The following HELZ2 variants were observed in gnomAD, a reference collection of about 807,000 sequenced individuals.
The protein encoded by HELZ2 is helicase with zinc finger 2, also known as 3'-5' exoribonuclease HELZ2.
A neutral mutation model predicts 208.8 loss-of-function variants in HELZ2; 143 were observed. The observed-to-expected ratio is 0.68, with a 90% CI of 0.60 to 0.79. HELZ2 has a LOEUF of 0.79. Ranked by LOEUF, HELZ2 falls within the 30% of genes least tolerant of loss-of-function variation. HELZ2 has a pLI of 0.00. For synonymous variants in HELZ2, 1,705 were observed against 1,693.7 expected, an observed-to-expected ratio of 1.01 and a Z score of -0.16; for missense variants, 3,690 against 3,794.5, an observed-to-expected ratio of 0.97 and a Z score of 0.72.
chr20:63,566,152 C>A, exon 8 of HELZ2: 1 of 1,559,388 alleles, frequency 6.4e-7, no homozygotes, highest in South Asian at 1.2e-5. Flanking sequence ...CGGTGAAGAA[C>A]TCAGGGGCCA....
chr20:63,570,381 G>A (rs765810679), intron 3 of HELZ2, 123 bp downstream of exon 4: 15 of 792,274 alleles, frequency 1.9e-5, no homozygotes, highest in Admixed American at 1.2e-4. Flanking sequence ...TGCAGGTCAC[G>A]CAGGTGCTGA....
rs780967372 is a variant in HELZ2 at position 63,561,168 on chromosome 20, C to G, written c.7060G>C (p.Val2354Leu). The stretch of plus-strand genomic sequence containing the variant: ...GCCTCGTCAACAAGGATCTGCCTCA[C>G]GTCCAGGATTTTGAGGCTGGCAGAG... The change falls in exon 14 of 19, where the codon GTG (valine) becomes CTG (leucine). Residue 2354 changes from valine (V) to leucine (L), a missense_variant. By Grantham distance (32) the Val-to-Leu change is conservative. Transcript: ENST00000467148. 8.1e-6 allele frequency: 13 copies of G among 1,613,140 alleles called. No homozygotes were observed. The South Asian group carries it at 1.4e-4, about 18-fold the overall frequency.
chr20:63,567,385 A>G, exon 6 of HELZ2: 1 of 1,592,478 alleles, frequency 6.3e-7, no homozygotes, highest in Non-Finnish European at 8.5e-7. Flanking sequence ...GAAGAAGCCG[A>G]CCGGCACCCT....
exon 14 of HELZ2, chr20:63,561,152 A>G (rs368416370): frequency 9.3e-6 from 15 of 1,612,942 alleles, no homozygotes; most frequent in Non-Finnish European, 1.3e-5. Flanking sequence ...TGCCTCGTCA[A>G]CAAGGATCTG....
rs1482246916 is a variant in HELZ2, at chr20:63,570,938, C to T, written c.279-70G>A. 3.8e-6 allele frequency: 5 copies of T among 1,304,820 alleles called. No homozygotes were observed. In the African/African-American group the frequency reaches 4.4e-5, roughly 12 times the overall value. The allele number at this position is 1,304,820 out of a possible 1,614,324, so 80.8% of individuals were successfully genotyped here. A position where few individuals can be genotyped will look rare whatever the true frequency, so the allele number is the denominator to read the frequency against. On this transcript the variant is annotated intron_variant, in intron 1 of 18. Coordinates refer to ENST00000467148, the Ensembl canonical transcript of HELZ2. Reference sequence around the variant, plus strand: ...CCGTGCTGAGTTCAAAGGCCGGGACCCCTCAGCCCAATACTGGCCTCTGTA... The same window carrying T: ...CCGTGCTGAGTTCAAAGGCCGGGACTCCTCAGCCCAATACTGGCCTCTGTA...
exon 8 of HELZ2, chr20:63,563,169 C>A (rs764623805): frequency 6.3e-7 from 1 of 1,592,744 alleles, no homozygotes; most frequent in East Asian, 2.3e-5. Flanking sequence ...CCGAGCTGCA[C>A]CTGCAGGGTG....
At position 63,559,958 on chromosome 20, in the gene HELZ2, TG is replaced by T; in HGVS notation, c.7794del (p.Thr2599ArgfsTer9). 1 of 1,611,596 alleles carries T rather than the reference TG, an allele frequency of 6.2e-7. No individual in the cohort carries two copies. Among genetic ancestry groups the T allele is most frequent in the Non-Finnish European group, 8.5e-7 (1 of 1,179,910 alleles). ...AGGCAGAGCCCCTCCTGGGCCCGCG[TG>T]ACAGCCACATTCACTTGGTTGGGGT... is the stretch of plus-strand genomic sequence containing the variant. On this transcript the variant is annotated frameshift_variant, in exon 18 of 19. Transcript: ENST00000467148. LOFTEE classifies it low-confidence loss of function (END_TRUNC).
At chr20:63,573,892 G>A (rs965947081), upstream of HELZ2, among the ~76,000 whole-genome samples, 9 of 152,284 alleles carry the variant, frequency 5.9e-5, no homozygotes, top group Non-Finnish European at 1.0e-4. The surrounding 1 kb of genome is among the most constrained non-coding windows in gnomAD (Gnocchi z 4.9). Context: ...GAAAACATCC[G>A]AGTCTGCCAT....
exon 8 of HELZ2, chr20:63,565,712 C>A (rs771927160): frequency 6.2e-7 from 1 of 1,606,874 alleles, no homozygotes; most frequent in African/African-American, 1.3e-5. Context: ...CGCACAGGCC[C>A]CGGGCACCAC....
chr20:63,559,101 G>C, downstream of HELZ2: 2 of 899,626 alleles, frequency 2.2e-6, no homozygotes, highest in Middle Eastern at 3.6e-4. Flanking sequence ...CCTCCTCCAA[G>C]TCCACCCACT....
Position 63,569,135 on chromosome 20 carries a change from G to A in HELZ2, c.1088+13C>T. The A allele has an allele frequency of 6.4e-7, 1 of 1,568,216 alleles. No individual in the cohort carries two copies. ...TCCTGCTACCCCAGCTGCTCCTGTT[G>A]CCCCCAGCTCACTTGGCCACCAGCT... On this transcript the variant is annotated intron_variant, in intron 4 of 18. Coordinates refer to ENST00000467148, the Ensembl canonical transcript of HELZ2.
At chr20:63,559,428 CAGGTGGGAGGAGT>C (rs2082854249) in intron 18 of HELZ2, 58 bp from the exon 20 acceptor site, 1 of 1,493,780 alleles carries the variant, frequency 6.7e-7, no homozygotes, top group African/African-American at 1.5e-5. Context: ...GAGTCAGGGT[CAGGTGGGAGGAGT>C]CAGGGTCAGG....
At chr20:63,562,262 A>G in intron 9 of HELZ2, 26 bp downstream of exon 10, 1 of 1,597,772 alleles carries the variant, frequency 6.3e-7, no homozygotes, top group Non-Finnish European at 8.5e-7. Flanking sequence ...GCCAGAGGGG[A>G]AGCTGGAGGG....
At chr20:63,564,020 G>A (rs757993220) in exon 8 of HELZ2, 1 of 1,605,000 alleles carries the variant, frequency 6.2e-7, no homozygotes, top group South Asian at 1.1e-5. Flanking sequence ...CTTCCAGAGG[G>A]AGGCCAGGAG....
At chr20:63,563,905 G>C (rs139486789) in exon 8 of HELZ2, 50 of 1,595,250 alleles carry the variant, frequency 3.1e-5, no homozygotes, top group Non-Finnish European at 3.9e-5. Context: ...CCAGGGCCTT[G>C]CGGAGGTCGC....
chr20:63,562,600 G>A (rs1398874923), exon 8 of HELZ2: 2 of 1,598,540 alleles, frequency 1.3e-6, no homozygotes, highest in Non-Finnish European at 1.7e-6. Context: ...CCTTCTCCAT[G>A]CCCATGTGGT....
exon 8 of HELZ2, chr20:63,563,962 G>C (rs1399605798): frequency 6.3e-7 from 1 of 1,597,690 alleles, no homozygotes; most frequent in Admixed American, 1.7e-5. Flanking sequence ...TGGTGACCAA[G>C]TCCACCATCT....
At chr20:63,565,918 A>G in exon 8 of HELZ2, 2 of 1,598,230 alleles carry the variant, frequency 1.3e-6, no homozygotes, top group South Asian at 2.2e-5. Context: ...CCGCTGCCCC[A>G]GCCTGTGTGC....
exon 11 of HELZ2, chr20:63,561,826 C>T: frequency 6.4e-7 from 1 of 1,561,430 alleles, no homozygotes; most frequent in East Asian, 2.3e-5. Context: ...GGCGCACCTG[C>T]CAGGACATCC....
Sources: gnomAD v4.1 joint callset for allele counts (sites outside exome capture counted in the v4.1 genomes callset) on GRCh38, gnomAD v4.1.1 for gene constraint, Gnocchi (gnomAD v3.1) non-coding constraint, MANE v1.5 for transcripts, NCBI Gene and HGNC (gene_info 2026-07-23, HGNC 2026-07-21) for gene names.